Variants in ALOX5AP observed in about 807,000 individuals in gnomAD.
The protein encoded by ALOX5AP is arachidonate 5-lipoxygenase activating protein, also known as arachidonate 5-lipoxygenase-activating protein.
Under a neutral mutation model 18.5 loss-of-function variants are expected in ALOX5AP, and 9 were observed. That is an observed-to-expected ratio of 0.49 (90% CI 0.29 to 0.85). The LOEUF is 0.85. Among genes scored for constraint, ALOX5AP ranks in the 40% least tolerant of loss-of-function variants. ALOX5AP has a pLI of 0.08. For synonymous variants in ALOX5AP, 81 were observed against 78.6 expected, an observed-to-expected ratio of 1.03 and a Z score of -0.16; for missense variants, 172 against 202.5, an observed-to-expected ratio of 0.85 and a Z score of 0.91.
At chr13:30,753,138 G>T (rs1267588604) in intron 3 of ALOX5AP, among the ~76,000 whole-genome samples, 1 of 152,226 alleles carries the variant, frequency 6.6e-6, no homozygotes, top group African/African-American at 2.4e-5. Context: ...AGAAGTCAGT[G>T]AATGAAGACA....
At chr13:30,713,923 C>T (rs1245799324) in intron 1 of ALOX5AP, 5 of 1,446,720 alleles carry the variant, frequency 3.5e-6, no homozygotes, top group Non-Finnish European at 4.6e-6. Context: ...GGCCCAGGGC[C>T]ATGTTCGGTG....
intron 1 of ALOX5AP, among the ~76,000 whole-genome samples, chr13:30,716,617 G>A (rs577426636): frequency 2.6e-5 from 4 of 152,322 alleles, no homozygotes; most frequent in African/African-American, 9.6e-5. Context: ...CCCCTGCAAT[G>A]AGCCATCCTC....
chr13:30,714,829 T>C (rs1951537219), intron 1 of ALOX5AP, among the ~76,000 whole-genome samples: 1 of 152,172 alleles, frequency 6.6e-6, no homozygotes, highest in Admixed American at 6.5e-5. Flanking sequence ...CTGGTTCCTG[T>C]TGGGAAACTT....
Position 30,716,559 on chromosome 13 carries a change from C to T in ALOX5AP, c.116+2718C>T, listed in dbSNP as rs140027617. On this transcript the variant is annotated intron_variant, in intron 1 of 5. Transcript: ENST00000617770. ...TAAGAGACTAAGGGGGTCAATCTAC[C>T]TCACTTTGCAGCTCTGTGTTCCTTA... 2.0e-3 allele frequency among the ~76,000 whole-genome samples: 302 copies of T among 152,280 alleles called. 3 individuals carry two copies. Among genetic ancestry groups the T allele is most frequent in the African/African-American group, 6.9e-3 (286 of 41,556 alleles).
rs967209069 is a variant in ALOX5AP at position 30,742,056 on chromosome 13, G to A, written c.71-2004G>A. On this transcript the variant is annotated intron_variant, in intron 1 of 4. Transcript: ENST00000380490. ...GAGCTGGCTGGGCCTGGCGGCTCAC[G>A]CCTGTAATCCCAGCACTTTGGGAGG... is the stretch of plus-strand genomic sequence containing the variant. Among the ~76,000 whole-genome samples, 53 of 152,162 alleles carry A rather than the reference G, an allele frequency of 3.5e-4. 1 individual carries two copies. The highest frequency in any genetic ancestry group is 1.2e-3 in the African/African-American group (48 of 41,534).
Position 30,751,067 on chromosome 13 carries a change from G to GT in ALOX5AP, c.171-979dup, listed in dbSNP as rs550500446. Among the ~76,000 whole-genome samples the GT allele has an allele frequency of 7.9e-5, 12 of 152,140 alleles. No individual in the cohort carries two copies. In the East Asian group the frequency reaches 2.3e-3, roughly 29 times the overall value. On this transcript the variant is annotated intron_variant, in intron 2 of 4. Transcript: ENST00000380490. ...ACATCCTGAACCATAGTAAAAGGGT[G>GT]TTTTTTGTTTTTTTGAGACAGAGTC...
At chr13:30,722,236 G>A (rs1217235555) in intron 1 of ALOX5AP, among the ~76,000 whole-genome samples, 6 of 152,156 alleles carry the variant, frequency 3.9e-5, no homozygotes, top group African/African-American at 1.2e-4. Context: ...ACACTTCAAA[G>A]CTGTCTCAGG....
chr13:30,728,104 C>T (rs1951653228), intron 1 of ALOX5AP, among the ~76,000 whole-genome samples: 1 of 152,128 alleles, frequency 6.6e-6, no homozygotes, highest in Non-Finnish European at 1.5e-5. Context: ...TAATTCAATA[C>T]AACTAATGTC....
rs140960518 is a variant in ALOX5AP at position 30,756,460 on chromosome 13, A to T, written c.323+435A>T. Among the ~76,000 whole-genome samples the T allele has an allele frequency of 7.2e-5, 11 of 152,326 alleles. No homozygotes were observed. In the East Asian group the frequency reaches 1.9e-3, roughly 27 times the overall value. On this transcript the variant is annotated intron_variant, in intron 4 of 4. Transcript: ENST00000380490. Reference sequence around the variant, plus strand: ...ACCTTGTGATAAGTTGTCCTGAGGAACATATCTTTCAGGGACCAGAAGAAA... The same window carrying T: ...ACCTTGTGATAAGTTGTCCTGAGGATCATATCTTTCAGGGACCAGAAGAAA...
intron 4 of ALOX5AP, among the ~76,000 whole-genome samples, chr13:30,758,616 T>C (rs1191203298): frequency 6.6e-6 from 1 of 152,192 alleles, no homozygotes; most frequent in African/African-American, 2.4e-5. Flanking sequence ...CAGCTCCCTT[T>C]TTAATGCCCT....
At chr13:30,725,220 A>G (rs1053843974) in intron 1 of ALOX5AP, among the ~76,000 whole-genome samples, 1 of 152,374 alleles carries the variant, frequency 6.6e-6, no homozygotes, top group South Asian at 2.1e-4. Flanking sequence ...TCCAAGAGAC[A>G]TGATTAGAAA....
At chr13:30,726,938 G>C (rs1430352976) in intron 1 of ALOX5AP, among the ~76,000 whole-genome samples, 1 of 152,124 alleles carries the variant, frequency 6.6e-6, no homozygotes, top group East Asian at 1.9e-4. Context: ...ATATCAAAAA[G>C]GGAATGCGAC....
chr13:30,749,030 G>A (rs965266650), intron 2 of ALOX5AP, among the ~76,000 whole-genome samples: 2 of 152,234 alleles, frequency 1.3e-5, no homozygotes, highest in Non-Finnish European at 2.9e-5. Flanking sequence ...TGGATGGCGA[G>A]AGGGACTGGC....
chr13:30,723,645 T>C (rs1231518960), intron 1 of ALOX5AP, among the ~76,000 whole-genome samples: 2 of 152,240 alleles, frequency 1.3e-5, no homozygotes, highest in Admixed American at 6.5e-5. Flanking sequence ...TTCCATAGTT[T>C]GGTTAATATA....
intron 4 of ALOX5AP, among the ~76,000 whole-genome samples, chr13:30,756,395 G>A (rs2137828162): frequency 6.6e-6 from 1 of 152,282 alleles, no homozygotes; most frequent in Non-Finnish European, 1.5e-5. Context: ...AGAGTGAAAT[G>A]TTTCATTGTT....
upstream of ALOX5AP, among the ~76,000 whole-genome samples, chr13:30,733,758 G>A (rs185129917): frequency 1.4e-3 from 213 of 152,296 alleles, 1 homozygote; most frequent in African/African-American, 4.7e-3. Context: ...AACAAAAAGC[G>A]GGCAGAAGGG....
chr13:30,751,884 T>A (rs753253511), intron 2 of ALOX5AP, among the ~76,000 whole-genome samples, 168 bp from the exon 3 acceptor site: 5 of 152,258 alleles, frequency 3.3e-5, no homozygotes, highest in Non-Finnish European at 5.9e-5. Context: ...GTTTCCCAGG[T>A]GGCAGCTGGC....
At chr13:30,763,613 A>G (rs9741777) in intron 4 of ALOX5AP, among the ~76,000 whole-genome samples, 4,067 of 152,290 alleles carry the variant, frequency 0.027, 75 homozygotes, top group African/African-American at 0.037. Context: ...AGGATGCCCA[A>G]TGGTCAACAG....
intron 1 of ALOX5AP, among the ~76,000 whole-genome samples, chr13:30,720,493 A>T (rs1951585528): frequency 1.3e-5 from 2 of 152,264 alleles, no homozygotes; most frequent in South Asian, 4.1e-4. Flanking sequence ...TATTAATAAC[A>T]TTGGAACCTT....
Sources: allele counts gnomAD v4.1 joint callset (sites outside exome capture counted in the v4.1 genomes callset), GRCh38; gene constraint gnomAD v4.1.1; transcripts MANE v1.5; gene names NCBI Gene and HGNC (gene_info 2026-07-23, HGNC 2026-07-21).